Variants in TMEM87A observed in about 807,000 individuals in gnomAD.
The protein encoded by TMEM87A is transmembrane protein 87A.
A neutral mutation model predicts 90.0 loss-of-function variants in TMEM87A; 50 were observed. The ratio of observed to expected loss-of-function variants is 0.56; its 90% CI spans 0.44 to 0.70. The LOEUF (loss-of-function observed/expected upper bound fraction) is 0.70, where lower values mean the gene tolerates loss of function less well. Ranked by LOEUF, TMEM87A falls within the 30% of genes least tolerant of loss-of-function variation. TMEM87A has a pLI of 0.00. For synonymous variants in TMEM87A, 226 were observed against 226.7 expected (o/e 1.00, Z 0.03); for missense variants, 577 against 660.5 (o/e 0.87, Z 1.39).
upstream of TMEM87A, chr15:42,273,524 T>C (rs2051609399): frequency 6.8e-7 from 1 of 1,467,528 alleles, no homozygotes; most frequent in African/African-American, 1.4e-5. Flanking sequence ...TTGTTTGCTG[T>C]GCGGCGTAGC....
rs187373358 is a variant in TMEM87A at position 42,267,637 on chromosome 15, C to G, written c.291+310G>C. On this transcript the variant is annotated intron_variant, in intron 3 of 19. Coordinates refer to ENST00000389834, the MANE Select transcript of TMEM87A (RefSeq NM_015497.5). ...TGGGAAAAACAGTTATTTATATTAACATGCAATAAGTTTATTATTGCTACT... is the reference window on the plus strand; with the variant it reads ...TGGGAAAAACAGTTATTTATATTAAGATGCAATAAGTTTATTATTGCTACT... Among the ~76,000 whole-genome samples, 996 of 152,296 alleles carry G rather than the reference C, an allele frequency of 6.5e-3. 8 individuals carry two copies. The highest frequency in any genetic ancestry group is 9.1e-3 in the Non-Finnish European group (619 of 68,014).
chr15:42,235,628 T>C (rs1307805361), intron 10 of TMEM87A, among the ~76,000 whole-genome samples: 1 of 152,170 alleles, frequency 6.6e-6, no homozygotes, highest in African/African-American at 2.4e-5. Context: ...ATATATAGAA[T>C]CTGATCTCAA....
intron 17 of TMEM87A, 117 bp downstream of exon 17, chr15:42,219,464 A>G: frequency 1.2e-6 from 1 of 822,922 alleles, no homozygotes; most frequent in South Asian, 1.8e-5. Flanking sequence ...CATATACAAA[A>G]AAAAATCATT....
chr15:42,266,149 C>A (rs1180978932), intron 3 of TMEM87A, among the ~76,000 whole-genome samples: 1 of 152,146 alleles, frequency 6.6e-6, no homozygotes, highest in African/African-American at 2.4e-5. Flanking sequence ...ATTCTTTGAG[C>A]AATATATTTT....
chr15:42,252,329 C>A (rs929342044), intron 6 of TMEM87A, among the ~76,000 whole-genome samples: 1 of 151,740 alleles, frequency 6.6e-6, no homozygotes, highest in African/African-American at 2.4e-5. Context: ...TCTTCTGTGT[C>A]GATCACGCTG....
At chr15:42,258,307 G>C in intron 6 of TMEM87A, 1 of 700,152 alleles carries the variant, frequency 1.4e-6, no homozygotes, top group Non-Finnish European at 1.8e-6. Context: ...AAAAGAATAG[G>C]AAGATAAATA....
At chr15:42,231,362 T>C (rs1396299586) in intron 11 of TMEM87A, 102 bp from the exon 12 acceptor site, 28 of 910,076 alleles carry the variant, frequency 3.1e-5, no homozygotes, top group Admixed American at 7.5e-5. Flanking sequence ...TGGAAAGTTT[T>C]TGCATTGAAC....
chr15:42,232,035 G>T, intron 11 of TMEM87A: 1 of 378,098 alleles, frequency 2.6e-6, no homozygotes, highest in Non-Finnish European at 3.9e-6. Context: ...TCCACAAAGT[G>T]TTTGATTTAA....
intron 4 of TMEM87A, among the ~76,000 whole-genome samples, chr15:42,262,875 A>T (rs888859160): frequency 6.6e-6 from 1 of 152,178 alleles, no homozygotes; most frequent in Non-Finnish European, 1.5e-5. Context: ...CACATATAAA[A>T]TTTTTCTATC....
chr15:42,270,537 A>C (rs1029367390), intron 2 of TMEM87A, among the ~76,000 whole-genome samples: 7 of 152,228 alleles, frequency 4.6e-5, no homozygotes, highest in Non-Finnish European at 1.0e-4. Context: ...TGGAGGTTGC[A>C]GTAAGCCAAG....
chr15:42,222,843 A>T (rs754915454), intron 15 of TMEM87A, among the ~76,000 whole-genome samples: 1 of 152,194 alleles, frequency 6.6e-6, no homozygotes, highest in Admixed American at 6.5e-5. Flanking sequence ...TACAGGCATG[A>T]GCCATAGCGC....
intron 11 of TMEM87A, chr15:42,231,762 T>A: frequency 1.9e-6 from 1 of 520,108 alleles, no homozygotes; most frequent in Non-Finnish European, 2.7e-6. Context: ...AAAACTATGC[T>A]GCATGTTTCC....
intron 15 of TMEM87A, among the ~76,000 whole-genome samples, chr15:42,221,228 G>A (rs1242951657): frequency 1.3e-5 from 2 of 151,712 alleles, no homozygotes; most frequent in East Asian, 2.0e-4. Context: ...CAGCCTGGGC[G>A]ACACAGCGAG....
At chr15:42,230,240 C>T (rs1266038702) in intron 12 of TMEM87A, among the ~76,000 whole-genome samples, 5 of 152,310 alleles carry the variant, frequency 3.3e-5, no homozygotes, top group Middle Eastern at 3.4e-3. Flanking sequence ...CAATCCATTC[C>T]CACCTCCCTC....
chr15:42,228,705 G>C lies in TMEM87A; in HGVS notation c.1240+7C>G, dbSNP rs745461326. ...TTTGAACTCCAAGAAGAAAGTCCCA[G>C]ACTTACCTGCCACTGCCAAAATAAG... is the stretch of plus-strand genomic sequence containing the variant. On this transcript the variant is annotated splice_region_variant and intron_variant, in intron 13 of 19. Transcript: ENST00000389834. 34 of 1,611,430 alleles carry C rather than the reference G, an allele frequency of 2.1e-5. No homozygotes were observed. The highest frequency in any genetic ancestry group is 1.4e-5 in the Non-Finnish European group (16 of 1,177,726).
At chr15:42,243,303 A>G (rs934344765) in intron 7 of TMEM87A, among the ~76,000 whole-genome samples, 1 of 106,940 alleles carries the variant, frequency 9.4e-6, no homozygotes, top group African/African-American at 4.0e-5. Context: ...TAAATAAATA[A>G]ATAAATAAAT....
chr15:42,230,102 C>G (rs2050662933), intron 12 of TMEM87A, among the ~76,000 whole-genome samples: 1 of 152,214 alleles, frequency 6.6e-6, no homozygotes, highest in Non-Finnish European at 1.5e-5. Context: ...GCTGGGGTTA[C>G]AGGCATGAGC....
rs1316713831 is a variant in TMEM87A, at chr15:42,233,277, A to G, written c.998T>C (p.Val333Ala). 3.7e-6 allele frequency: 6 copies of G among 1,613,910 alleles called. No homozygotes were observed. The highest frequency in any genetic ancestry group is 1.3e-5 in the African/African-American group (1 of 74,890). ...KPRLGVTLHK[V>A]VVAGALYLLF... ...AAGATAGAGGGCTCCTGCTACTACA[A>G]CCTTATGAAGAGTGACTCCAAGGCG... Residue 333 changes from valine to alanine, a missense_variant, in exon 11 of 20, where the codon GTT becomes GCT. Transcript: ENST00000389834.
At chr15:42,256,659 C>A (rs1210745154) in intron 6 of TMEM87A, among the ~76,000 whole-genome samples, 1 of 152,178 alleles carries the variant, frequency 6.6e-6, no homozygotes, top group Non-Finnish European at 1.5e-5. Flanking sequence ...CAGAAGACAA[C>A]TGAAGAAAGC....
Sources: gnomAD v4.1 joint callset for allele counts (sites outside exome capture counted in the v4.1 genomes callset) on GRCh38, gnomAD v4.1.1 for gene constraint, MANE v1.5 for transcripts, NCBI Gene and HGNC (gene_info 2026-07-23, HGNC 2026-07-21) for gene names.